Variants in SATB1 observed in about 807,000 individuals in gnomAD.
The protein encoded by SATB1 is SATB homeobox 1, also known as DNA-binding protein SATB1.
In SATB1, 11 loss-of-function variants were observed where a neutral mutation model predicts 86.9. The ratio of observed to expected loss-of-function variants is 0.13; its 90% CI spans 0.08 to 0.21. SATB1 has a LOEUF of 0.21. SATB1 is among the 10% of genes least tolerant of loss of function. SATB1 has a pLI of 1.00. For missense variants in SATB1, 551 were observed against 937.6 expected (o/e 0.59, Z 5.39); for synonymous variants, 357 against 357.2 (o/e 1.00, Z 0.01).
In SATB1 at chr3:18,394,423, TAGG is replaced by T. The variant is rs761303215; in HGVS notation, c.1206+36_1206+38del. 4 of 1,544,184 alleles carry T rather than the reference TAGG, an allele frequency of 2.6e-6. No individual in the cohort carries two copies. The African/African-American group carries it at 4.1e-5, about 16-fold the overall frequency. ...TAGATGGGACTAAAGAAAGAGAAAATAGGAGACAGCACAGAACCACTTATGAAA... is the reference window on the plus strand; with the variant it reads ...TAGATGGGACTAAAGAAAGAGAAAATAGACAGCACAGAACCACTTATGAAA... On this transcript the variant is annotated intron_variant, in intron 7 of 10. Transcript: ENST00000338745. The surrounding 1 kb of genome is among the most constrained non-coding windows in gnomAD (Gnocchi z 5.9).
intron 7 of SATB1, among the ~76,000 whole-genome samples, chr3:18,393,555 T>C (rs895453355): frequency 1.3e-5 from 2 of 152,132 alleles, no homozygotes; most frequent in African/African-American, 2.4e-5. Context: ...TCCAGGCTGA[T>C]AGATAGTACC....
intron 7 of SATB1, among the ~76,000 whole-genome samples, chr3:18,391,380 AT>A (rs11293804): frequency 0.29 from 42,997 of 150,218 alleles, 6,611 homozygotes; most frequent in African/African-American, 0.36. Context: ...TTTTACATTA[AT>A]TTTTTTTTTA....
intron 10 of SATB1, chr3:18,351,167 G>A: frequency 1.4e-6 from 1 of 692,720 alleles, no homozygotes; most frequent in South Asian, 1.5e-5. Context: ...CAAAGCATAA[G>A]GCTGCATCTG....
rs554877725 is a variant in SATB1, at chr3:18,385,618, A to G, written c.1419+781T>C. Among the ~76,000 whole-genome samples the G allele has an allele frequency of 2.5e-3, 215 of 85,948 alleles. 1 individual carries two copies. The highest frequency in any genetic ancestry group is 9.4e-3 in the African/African-American group (204 of 21,816). The allele number at this position is 85,948 out of a possible 152,430, so 56.4% of individuals were successfully genotyped here. A position where few individuals can be genotyped will look rare whatever the true frequency, so the allele number is the denominator to read the frequency against. On this transcript the variant is annotated intron_variant, in intron 8 of 10. Transcript: ENST00000338745. Reference sequence around the variant, plus strand: ...AGCCTGGGTGACAGAGCGGCACTCCATCTCAAAAGAAAAAAAAAAAAAGAT... The same window carrying G: ...AGCCTGGGTGACAGAGCGGCACTCCGTCTCAAAAGAAAAAAAAAAAAAGAT...
At chr3:18,390,554 T>C (rs571395564) in intron 7 of SATB1, among the ~76,000 whole-genome samples, 1 of 152,198 alleles carries the variant, frequency 6.6e-6, no homozygotes, top group Non-Finnish European at 1.5e-5. Context: ...TAGTGGACTT[T>C]TCTTAAATTA....
intron 1 of SATB1, 98 bp from the exon 2 acceptor site, chr3:18,421,089 C>A: frequency 2.6e-6 from 2 of 755,036 alleles, no homozygotes; most frequent in Non-Finnish European, 4.4e-6. Context: ...TATCTCTCCA[C>A]AAATATAATG....
At chr3:18,368,534 A>G (rs1440481170) in intron 9 of SATB1, among the ~76,000 whole-genome samples, 2 of 152,164 alleles carry the variant, frequency 1.3e-5, no homozygotes, top group East Asian at 3.9e-4. Context: ...AAGAAGAAAA[A>G]GAAACACGAC....
At chr3:18,417,557 G>A (rs188469731) in intron 2 of SATB1, 41 of 631,044 alleles carry the variant, frequency 6.5e-5, no homozygotes, top group East Asian at 4.2e-4. Context: ...CTTCGACCAC[G>A]AAATTTTCAT....
At chr3:18,407,479 A>G (rs1697601352) in intron 5 of SATB1, among the ~76,000 whole-genome samples, 1 of 152,084 alleles carries the variant, frequency 6.6e-6, no homozygotes, top group Admixed American at 6.6e-5. Flanking sequence ...CAATGCCCAC[A>G]TTTTAGAAAA....
At chr3:18,354,722 CAT>C (rs1035973772) in intron 9 of SATB1, among the ~76,000 whole-genome samples, 8 of 152,068 alleles carry the variant, frequency 5.3e-5, no homozygotes, top group African/African-American at 7.2e-5. Flanking sequence ...GTGAAAAAAA[CAT>C]GTGGATCACA....
In SATB1 at chr3:18,394,495, C is replaced by G. The variant is rs138600004; in HGVS notation, c.1173G>C (p.Ala391=). ...DELKRAGISQ[A]VFARVAFNRT... ...TGTTAAAAGCCACACGTGCAAATAC[C>G]GCCTGGGAGATTCCTGCTCGTTTCA... The change falls in exon 7 of 11, where the codon GCG becomes GCC. Residue 391 remains alanine (A), a synonymous_variant. Coordinates refer to ENST00000338745, the MANE Select transcript of SATB1 (RefSeq NM_002971.6). The surrounding 1 kb of genome is among the most constrained non-coding windows in gnomAD (Gnocchi z 5.9). 18 of 1,614,162 alleles carry G rather than the reference C, an allele frequency of 1.1e-5. No homozygotes were observed. The African/African-American group carries it at 1.2e-4, about 11-fold the overall frequency.
upstream of SATB1, among the ~76,000 whole-genome samples, chr3:18,438,940 G>GGGAC (rs1408131419): frequency 2.0e-5 from 3 of 152,178 alleles, no homozygotes; most frequent in African/African-American, 7.2e-5. Context: ...GCCTCATCTG[G>GGGAC]GGACCTGCAC....
At chr3:18,402,761 G>A (rs1274839006) in intron 5 of SATB1, among the ~76,000 whole-genome samples, 2 of 152,062 alleles carry the variant, frequency 1.3e-5, no homozygotes, top group Non-Finnish European at 2.9e-5. Flanking sequence ...ACTTGCCGAT[G>A]GTTTAGCTGA....
rs1261961284 is a variant in SATB1, at chr3:18,349,514, T to G, written c.1948A>C (p.Lys650Gln). The G allele has an allele frequency of 4.3e-6, 7 of 1,614,034 alleles. No homozygotes were observed. Among genetic ancestry groups the G allele is most frequent in the Non-Finnish European group, 5.1e-6 (6 of 1,180,018 alleles). ...ATTCCCAAGGCTTCCACTGAAATTT[T>G]TGTTCGTGGCCGGGTCTTCTGTCGG... is the stretch of plus-strand genomic sequence containing the variant. ...ENRQKTRPRT[K>Q]ISVEALGILQ... The change falls in exon 11 of 11, where the codon AAA becomes CAA. Residue 650 changes from lysine (K) to glutamine (Q), a missense_variant. By Grantham distance (53) the Lys-to-Gln change is moderately conservative. Transcript: ENST00000338745. The surrounding 1 kb of genome is among the most constrained non-coding windows in gnomAD (Gnocchi z 5.5).
intron 9 of SATB1, among the ~76,000 whole-genome samples, chr3:18,368,258 T>C (rs994550183): frequency 6.6e-6 from 1 of 152,224 alleles, no homozygotes; most frequent in Non-Finnish European, 1.5e-5. Context: ...ACAATAACTA[T>C]ATCTTGCAAA....
rs1368048517 is a variant in SATB1, at chr3:18,348,911, G to C, written c.*259C>G. On this transcript the variant is annotated 3_prime_UTR_variant, in exon 11 of 11. Transcript: ENST00000338745. ...TTCATGCTTACGGGGTACACACTTTGGTGCATCCCGTGAACACAAATTTTA... is the reference window on the plus strand; with the variant it reads ...TTCATGCTTACGGGGTACACACTTTCGTGCATCCCGTGAACACAAATTTTA... 1 of 505,692 alleles carries C rather than the reference G, an allele frequency of 2.0e-6. No homozygotes were observed. Among genetic ancestry groups the C allele is most frequent in the Non-Finnish European group, 3.5e-6 (1 of 289,520 alleles). 31.3% of individuals were successfully genotyped at this position (505,692 alleles called of 1,614,324 possible).
chr3:18,353,794 C>A (rs1295318221), intron 9 of SATB1, among the ~76,000 whole-genome samples: 1 of 152,228 alleles, frequency 6.6e-6, no homozygotes, highest in Non-Finnish European at 1.5e-5. Context: ...ATCTGCTAAG[C>A]AGCTCATCGT....
chr3:18,438,893 G>C (rs1204855527), upstream of SATB1: 1 of 152,300 alleles, frequency 6.6e-6, no homozygotes, highest in Non-Finnish European at 1.5e-5. Flanking sequence ...GCACAGCGAG[G>C]TGCAGCCTGA....
intron 2 of SATB1, among the ~76,000 whole-genome samples, chr3:18,433,855 G>T (rs1349724544): frequency 1.3e-5 from 2 of 151,956 alleles, no homozygotes; most frequent in Non-Finnish European, 2.9e-5. Context: ...TGGACATTTT[G>T]AGCCAACATG....
Sources: gnomAD v4.1 joint callset for allele counts (sites outside exome capture counted in the v4.1 genomes callset) on GRCh38, gnomAD v4.1.1 for gene constraint, Gnocchi (gnomAD v3.1) non-coding constraint, MANE v1.5 for transcripts, NCBI Gene and HGNC (gene_info 2026-07-23, HGNC 2026-07-21) for gene names.